Variants in EPHA5 observed in about 807,000 individuals in gnomAD.
EPHA5 encodes the protein EPH receptor A5.
In EPHA5, 60 loss-of-function variants were observed where a neutral mutation model predicts 105.0. The observed-to-expected ratio is 0.57, with a 90% CI of 0.46 to 0.71. EPHA5 has a LOEUF of 0.71. Ranked by LOEUF, EPHA5 falls within the 30% of genes least tolerant of loss-of-function variation. The pLI is 0.00. For synonymous variants in EPHA5, 513 were observed against 449.1 expected (o/e 1.14, Z -1.80); for missense variants, 1,218 against 1,274.7 (o/e 0.96, Z 0.68).
chr4:65,500,486 C>A lies in EPHA5; in HGVS notation c.911-4943G>T, dbSNP rs748883963. Among the ~76,000 whole-genome samples, 4 of 150,758 alleles carry A rather than the reference C, an allele frequency of 2.7e-5. No individual in the cohort carries two copies. The East Asian group carries it at 7.8e-4, about 29-fold the overall frequency. On this transcript the variant is annotated intron_variant, in intron 3 of 16. Transcript: ENST00000613740. ...AAACCTTTGAGCCATATATTTAGCA[C>A]CTATTTAGAAATTTGCTGTATAATC...
chr4:65,472,140 G>A (rs373514538), intron 5 of EPHA5, among the ~76,000 whole-genome samples: 11 of 152,222 alleles, frequency 7.2e-5, no homozygotes, highest in African/African-American at 1.9e-4. Flanking sequence ...TTGACCGAAC[G>A]AAGGGGCCAC....
At chr4:65,557,259 T>TATATATATATATATA (rs1560693532) in intron 3 of EPHA5, among the ~76,000 whole-genome samples, 146 of 142,162 alleles carry the variant, frequency 1.0e-3, no homozygotes, top group South Asian at 1.5e-3. Flanking sequence ...TATATATATA[T>TATATATATATATATA]TCTCACACTT....
At chr4:65,388,180 G>T (rs1720321585) in intron 8 of EPHA5, among the ~76,000 whole-genome samples, 1 of 148,780 alleles carries the variant, frequency 6.7e-6, no homozygotes, top group South Asian at 2.1e-4. Flanking sequence ...GTATTCCATG[G>T]TGTATATGTG....
intron 8 of EPHA5, among the ~76,000 whole-genome samples, chr4:65,399,300 C>A (rs1397235256): frequency 6.6e-6 from 1 of 152,242 alleles, no homozygotes; most frequent in Non-Finnish European, 1.5e-5. Flanking sequence ...GCGTGCCAGG[C>A]TGTGTGCTCA....
At chr4:65,619,501 A>G (rs183462925) in intron 2 of EPHA5, among the ~76,000 whole-genome samples, 1 of 152,306 alleles carries the variant, frequency 6.6e-6, no homozygotes, top group East Asian at 1.9e-4. Flanking sequence ...TAAGGAATAT[A>G]TAACTACAAA....
Position 65,659,587 on chromosome 4 carries a change from A to G in EPHA5, c.181+9975T>C, listed in dbSNP as rs576734865. 2.6e-5 allele frequency among the ~76,000 whole-genome samples: 4 copies of G among 152,170 alleles called. No homozygotes were observed. In the East Asian group the frequency reaches 7.7e-4, roughly 29 times the overall value. On this transcript the variant is annotated intron_variant, in intron 1 of 16. Transcript: ENST00000613740. ...GAAATATCTCCAAGACCTCACATACATTTTTTAAGACTTGTTTTGAGGAAA... is the reference window on the plus strand; with the variant it reads ...GAAATATCTCCAAGACCTCACATACGTTTTTTAAGACTTGTTTTGAGGAAA...
intron 5 of EPHA5, among the ~76,000 whole-genome samples, chr4:65,466,431 T>C (rs1728723827): frequency 6.6e-6 from 1 of 152,208 alleles, no homozygotes; most frequent in Non-Finnish European, 1.5e-5. Flanking sequence ...TGTAGGACTA[T>C]GTCTCCCATT....
At chr4:65,389,251 G>A (rs1362503385) in intron 8 of EPHA5, among the ~76,000 whole-genome samples, 1 of 152,028 alleles carries the variant, frequency 6.6e-6, no homozygotes, top group Non-Finnish European at 1.5e-5. Context: ...ATATAGCATT[G>A]TGGTGCTGGC....
intron 1 of EPHA5, among the ~76,000 whole-genome samples, chr4:65,668,120 A>G (rs1004550438): frequency 8.5e-5 from 13 of 152,240 alleles, no homozygotes; most frequent in Non-Finnish European, 1.5e-4. Flanking sequence ...GCCTTTAATT[A>G]GCGTTTAAAA....
intron 3 of EPHA5, among the ~76,000 whole-genome samples, chr4:65,503,354 A>C (rs1732682073): frequency 6.6e-6 from 1 of 151,780 alleles, no homozygotes; most frequent in African/African-American, 2.4e-5. Context: ...AATTAAAATA[A>C]ATTTAAACTA....
At chr4:65,366,670 A>T (rs2148894555) in intron 9 of EPHA5, among the ~76,000 whole-genome samples, 1 of 152,078 alleles carries the variant, frequency 6.6e-6, no homozygotes, top group Non-Finnish European at 1.5e-5. Flanking sequence ...AGATACGATT[A>T]GGAAATGAAC....
chr4:65,664,599 A>G (rs1749814265), intron 1 of EPHA5, among the ~76,000 whole-genome samples: 1 of 151,924 alleles, frequency 6.6e-6, no homozygotes. Flanking sequence ...ACAACGGACT[A>G]TAATAACTCT....
At chr4:65,637,516 C>A (rs1340589905) in intron 2 of EPHA5, among the ~76,000 whole-genome samples, 1 of 145,104 alleles carries the variant, frequency 6.9e-6, no homozygotes, top group African/African-American at 2.5e-5. Context: ...ATGAAATCTT[C>A]AAATTTTGTC....
chr4:65,616,452 CACAG>C (rs1560777779), intron 2 of EPHA5, among the ~76,000 whole-genome samples: 2 of 147,026 alleles, frequency 1.4e-5, no homozygotes, highest in African/African-American at 5.3e-5. Flanking sequence ...CACACACACA[CACAG>C]AGAGAGAGAG....
chr4:65,591,662 G>A (rs969070509), intron 3 of EPHA5, among the ~76,000 whole-genome samples: 2 of 151,672 alleles, frequency 1.3e-5, no homozygotes, highest in African/African-American at 4.8e-5. Flanking sequence ...AAACTGTAAG[G>A]AAGTACAGGG....
chr4:65,530,629 G>T (rs1045656045), intron 3 of EPHA5, among the ~76,000 whole-genome samples: 1 of 152,140 alleles, frequency 6.6e-6, no homozygotes, highest in Non-Finnish European at 1.5e-5. Context: ...TGTGGATAGC[G>T]AAGAAAATGG....
At position 65,670,252 on chromosome 4, in the gene EPHA5, A is replaced by T. The variant is rs1206854408; in HGVS notation, c.-510T>A. On this transcript the variant is annotated 5_prime_UTR_variant, in exon 1 of 17. Transcript: ENST00000613740. The stretch of plus-strand genomic sequence containing the variant: ...CTTGAGAAAATGTGGAGAATGAAAA[A>T]CAGGAGAGCAGCGAGCAAAAGCAAA... 4.3e-6 allele frequency: 1 copy of T among 234,058 alleles called. No homozygotes were observed. The highest frequency in any genetic ancestry group is 5.6e-5 in the Admixed American group (1 of 17,802). 14.5% of individuals were successfully genotyped at this position (234,058 alleles called of 1,614,324 possible).
At chr4:65,576,361 G>A (rs906088484) in intron 3 of EPHA5, among the ~76,000 whole-genome samples, 5 of 152,144 alleles carry the variant, frequency 3.3e-5, no homozygotes, top group Admixed American at 6.5e-5. Flanking sequence ...TGCAAATATC[G>A]TTCACCAGAA....
intron 5 of EPHA5, among the ~76,000 whole-genome samples, chr4:65,423,970 A>C (rs1184049914): frequency 1.3e-5 from 2 of 151,928 alleles, no homozygotes; most frequent in African/African-American, 4.8e-5. Flanking sequence ...TATTAACCTA[A>C]AGATGCATAT....
Sources: allele counts gnomAD v4.1 joint callset (sites outside exome capture counted in the v4.1 genomes callset), GRCh38; gene constraint gnomAD v4.1.1; transcripts MANE v1.5; gene names NCBI Gene and HGNC (gene_info 2026-07-23, HGNC 2026-07-21).